MELTF: variants seen among roughly 807,000 people sequenced by gnomAD.
The protein encoded by MELTF is melanotransferrin.
Under a neutral mutation model 83.7 loss-of-function variants are expected in MELTF, and 67 were observed. That is an observed-to-expected ratio of 0.80 (90% confidence interval 0.66 to 0.98). MELTF has a LOEUF of 0.98. Ranked by LOEUF, MELTF falls within the 50% of genes least tolerant of loss-of-function variation. The probability of loss-of-function intolerance (pLI) is 0.00; values close to 1 mark genes in which losing one functional copy is unlikely to be tolerated. For synonymous variants in MELTF, 462 were observed against 447.6 expected (o/e 1.03, Z -0.41); for missense variants, 1,002 against 1,035.6 (o/e 0.97, Z 0.44).
Position 197,007,646 on chromosome 3 carries a change from G to A in MELTF, c.1751-910C>T, listed in dbSNP as rs566290478. ...TGGGGGAGGGTTTCAGGTGTTCTTG[G>A]TAGGAGGCTGGGTGGGGGAGCTGGG... On this transcript the variant is annotated intron_variant, in intron 13 of 15. Transcript: ENST00000296350. This position sits in a 1 kb window ranked among gnomAD's most constrained non-coding sequence, Gnocchi z 4.3. 6.6e-6 allele frequency among the ~76,000 whole-genome samples: 1 copy of A among 152,308 alleles called. No homozygotes were observed. Among genetic ancestry groups the A allele is most frequent in the East Asian group, 1.9e-4 (1 of 5,174 alleles).
In MELTF at chr3:197,002,132, G is replaced by A. The variant is rs1195070380; in HGVS notation, c.*1240C>T. 3.3e-5 allele frequency: 5 copies of A among 152,038 alleles called. No individual in the cohort carries two copies. The highest frequency in any genetic ancestry group is 7.3e-5 in the Non-Finnish European group (5 of 68,058). 9.4% of individuals were successfully genotyped at this position (152,038 alleles called of 1,614,324 possible). A position where few individuals can be genotyped will look rare whatever the true frequency, so the allele number is the denominator to read the frequency against. ...ATGGCTACAGCCGGGGCGCTGCCAG[G>A]GCCTCCTCTGCGGCTGAGAGATGGA... is the stretch of plus-strand genomic sequence containing the variant. On this transcript the variant is annotated 3_prime_UTR_variant, in exon 16 of 16. Transcript: ENST00000296350.
At chr3:197,012,441 C>T (rs1258045194) in intron 9 of MELTF, among the ~76,000 whole-genome samples, 2 of 152,264 alleles carry the variant, frequency 1.3e-5, no homozygotes, top group African/African-American at 4.8e-5. Context: ...TCAGCTTGCG[C>T]GATGGTCATC....
At chr3:197,016,149 C>G in intron 8 of MELTF, 40 bp downstream of exon 8, 1 of 1,460,458 alleles carries the variant, frequency 6.8e-7, no homozygotes, top group East Asian at 2.5e-5. Context: ...CGAGGTTGAG[C>G]TGGGCTGGAG....
intron 3 of MELTF, among the ~76,000 whole-genome samples, chr3:197,025,005 G>A (rs1719795336): frequency 6.6e-6 from 1 of 152,228 alleles, no homozygotes; most frequent in Non-Finnish European, 1.5e-5. Context: ...GACAGAGGCA[G>A]AGACAGAGAG....
chr3:197,014,681 C>T lies in MELTF; in HGVS notation c.1233+684G>A, dbSNP rs141067781. 6.1e-3 allele frequency among the ~76,000 whole-genome samples: 925 copies of T among 152,228 alleles called. 9 individuals are homozygous for T. Among genetic ancestry groups the T allele is most frequent in the African/African-American group, 0.021 (863 of 41,506 alleles). On this transcript the variant is annotated intron_variant, in intron 9 of 15. Transcript: ENST00000296350. ...CTGGGATTATAGGTGTGAGCCAATG[C>T]ACCCAGCCAGGAGAGATAGGAGGAA... is the stretch of plus-strand genomic sequence containing the variant.
At position 197,009,810 on chromosome 3, in the gene MELTF, C is replaced by T; in HGVS notation, c.1333G>A (p.Glu445Lys). The stretch of plus-strand genomic sequence containing the variant: ...ACGTAGTACGAGTTGCTGCTGTCTT[C>T]CGCTGGGGAGAGAGGGACTCACGTG... ...VPAAGEHYAP[E>K]DSSNSYYVVA... The change falls in exon 11 of 16, where the codon GAA (glutamate) becomes AAA (lysine). Residue 445 changes from glutamate to lysine, a missense_variant and splice_region_variant. Physicochemically the swap from Glu to Lys is moderately conservative, Grantham distance 56 (BLOSUM62 1). Coordinates refer to ENST00000296350, the MANE Select transcript of MELTF (RefSeq NM_005929.6). The T allele has an allele frequency of 6.2e-7, 1 of 1,608,550 alleles. No homozygotes were observed. The highest frequency in any genetic ancestry group is 8.5e-7 in the Non-Finnish European group (1 of 1,176,124).
intron 6 of MELTF, among the ~76,000 whole-genome samples, chr3:197,021,076 G>A (rs1719605183): frequency 6.6e-6 from 1 of 152,220 alleles, no homozygotes; most frequent in Admixed American, 6.5e-5. Flanking sequence ...GCAGGGGTTT[G>A]CAAATTGCTT....
chr3:197,025,646 G>A (rs1719822746), intron 3 of MELTF: 1 of 152,514 alleles, frequency 6.6e-6, no homozygotes, highest in South Asian at 2.1e-4. Flanking sequence ...CTCAGTAGAG[G>A]TGTCGAGTTA....
At position 197,008,795 on chromosome 3, in the gene MELTF, G is replaced by C; in HGVS notation, c.1682+14C>G. On this transcript the variant is annotated intron_variant, in intron 12 of 15. Transcript: ENST00000296350. This position sits in a 1 kb window ranked among gnomAD's most constrained non-coding sequence, Gnocchi z 5.4. ...CTCTGCACACAGCCCCAGACTGCCA[G>C]GCCACCCGGGTACCTGAAGGCGCCG... 6.2e-7 allele frequency: 1 copy of C among 1,614,030 alleles called. No individual in the cohort carries two copies. The highest frequency in any genetic ancestry group is 8.5e-7 in the Non-Finnish European group (1 of 1,179,980).
In MELTF at chr3:197,003,068, C is replaced by T. The variant is rs28663179; in HGVS notation, c.*304G>A. 0.43 allele frequency: 64,589 copies of T among 150,320 alleles called. 15,024 individuals carry two copies. The highest frequency in any genetic ancestry group is 0.75 in the East Asian group (3,787 of 5,082). 9.3% of individuals were successfully genotyped at this position (150,320 alleles called of 1,614,324 possible). A position where few individuals can be genotyped will look rare whatever the true frequency, so the allele number is the denominator to read the frequency against. ...GGCGGGCGGGCCCCTCGGGCGACAC[C>T]GCGGGGCGGGCGGCGGGAAGCCCGG... is the stretch of plus-strand genomic sequence containing the variant. On this transcript the variant is annotated 3_prime_UTR_variant, in exon 16 of 16. Coordinates refer to ENST00000296350, the MANE Select transcript of MELTF (RefSeq NM_005929.6). This position sits in a 1 kb window ranked among gnomAD's most constrained non-coding sequence, Gnocchi z 6.2.
intron 4 of MELTF, 121 bp from the exon 5 acceptor site, chr3:197,023,234 C>T: frequency 2.0e-6 from 2 of 1,020,010 alleles, no homozygotes; most frequent in Non-Finnish European, 2.9e-6. Context: ...TTCCACCTTC[C>T]AGCTTCAGTC....
At position 197,008,748 on chromosome 3, in the gene MELTF, G is replaced by A. The variant is rs1719066586; in HGVS notation, c.1683-24C>T. On this transcript the variant is annotated intron_variant, in intron 12 of 15. Coordinates refer to ENST00000296350, the MANE Select transcript of MELTF (RefSeq NM_005929.6). The surrounding 1 kb of genome is among the most constrained non-coding windows in gnomAD (Gnocchi z 5.4). ...ACCTGCCACACAGAGGGCAGGGCAG[G>A]CGTCGGCAGGAGGGTCCCAGCCTCT... 6.2e-7 allele frequency: 1 copy of A among 1,613,952 alleles called. No individual in the cohort carries two copies. The highest frequency in any genetic ancestry group is 8.5e-7 in the Non-Finnish European group (1 of 1,179,930).
rs1577953287 is a variant in MELTF at position 197,029,786 on chromosome 3, C to G, written c.-84G>C. 6 of 969,338 alleles carry G rather than the reference C, an allele frequency of 6.2e-6. No homozygotes were observed. The highest frequency in any genetic ancestry group is 1.7e-5 in the African/African-American group (1 of 59,236). The allele number at this position is 969,338 out of a possible 1,614,324, so 60.0% of individuals were successfully genotyped here. On this transcript the variant is annotated 5_prime_UTR_variant, in exon 1 of 16. Transcript: ENST00000296350. This position sits in a 1 kb window ranked among gnomAD's most constrained non-coding sequence, Gnocchi z 6.5. ...GCAGCAGCCGGGCTTCCTCCCTGCTCCCCCTCGCGCTGGCCCGAGCTCCTT... is the reference window on the plus strand; with the variant it reads ...GCAGCAGCCGGGCTTCCTCCCTGCTGCCCCTCGCGCTGGCCCGAGCTCCTT...
chr3:197,015,561 A>G (rs1235680960), intron 8 of MELTF, 45 bp from the exon 9 acceptor site: 5 of 1,567,934 alleles, frequency 3.2e-6, no homozygotes, highest in Admixed American at 3.5e-5. Flanking sequence ...CAGTACTGCC[A>G]TGGAAGAGCA....
Position 197,003,864 on chromosome 3 carries a change from T to C in MELTF, c.2137+37A>G. ...GGGTTCTGGGGTGAAGGGGTCTGAA[T>C]AGCACCAGGGGAGGCGGCAGGGCGG... On this transcript the variant is annotated intron_variant, in intron 15 of 15. Transcript: ENST00000296350. This position sits in a 1 kb window ranked among gnomAD's most constrained non-coding sequence, Gnocchi z 6.2. The C allele has an allele frequency of 1.2e-6, 2 of 1,603,782 alleles. No individual in the cohort carries two copies. Among genetic ancestry groups the C allele is most frequent in the South Asian group, 2.2e-5 (2 of 90,568 alleles).
chr3:197,023,846 C>T (rs1047673192), intron 4 of MELTF: 13 of 457,462 alleles, frequency 2.8e-5, no homozygotes, highest in East Asian at 1.4e-4. Context: ...CGGGTTTACA[C>T]GGCTGGTTGG....
rs767151304 is a variant in MELTF, at chr3:197,017,307, C to G, written c.713-17G>C. ...GCGTCTTCCCTGGGAAGCAGGAAGC[C>G]TGGGCTGAGCCAGCTCCGAAAGGGG... On this transcript the variant is annotated splice_polypyrimidine_tract_variant and intron_variant, in intron 6 of 15. Transcript: ENST00000296350. 1.3e-6 allele frequency: 2 copies of G among 1,512,770 alleles called. No individual in the cohort carries two copies. The highest frequency in any genetic ancestry group is 2.6e-5 in the South Asian group (2 of 77,204). The allele number at this position is 1,512,770 out of a possible 1,614,324, so 93.7% of individuals were successfully genotyped here. A position where few individuals can be genotyped will look rare whatever the true frequency, so the allele number is the denominator to read the frequency against.
rs778799909 is a variant in MELTF at position 197,024,454 on chromosome 3, C to T, written c.336G>A (p.Val112=). ...TGGTCACATGGGAGCTCCTCCTGAC[C>T]ACAGCCACGGCGTAATAGGAGGTAC... The part of the protein sequence containing the change: ...EVGTSYYAVA[V]VRRSSHVTID... The change falls in exon 4 of 16, where the codon GTG becomes GTA. Residue 112 remains valine (V), a synonymous_variant. Coordinates refer to ENST00000296350, the MANE Select transcript of MELTF (RefSeq NM_005929.6). This position sits in a 1 kb window ranked among gnomAD's most constrained non-coding sequence, Gnocchi z 5.3. 3 of 1,602,900 alleles carry T rather than the reference C, an allele frequency of 1.9e-6. No homozygotes were observed. The highest frequency in any genetic ancestry group is 4.5e-5 in the East Asian group (2 of 44,568).
chr3:197,008,998 C>T lies in MELTF; in HGVS notation c.1526-33G>A. On this transcript the variant is annotated intron_variant, in intron 11 of 15. Transcript: ENST00000296350. This position sits in a 1 kb window ranked among gnomAD's most constrained non-coding sequence, Gnocchi z 5.4. ...GGAGGGAAGGGCAATGATGAGGGGC[C>T]AGCAGTGGAAAGTGTGGGAGGGAGC... is the stretch of plus-strand genomic sequence containing the variant. The T allele has an allele frequency of 6.2e-7, 1 of 1,611,776 alleles. No homozygotes were observed. Among genetic ancestry groups the T allele is most frequent in the Non-Finnish European group, 8.5e-7 (1 of 1,178,786 alleles).
Sources: gnomAD v4.1 joint callset for allele counts (sites outside exome capture counted in the v4.1 genomes callset) on GRCh38, gnomAD v4.1.1 for gene constraint, Gnocchi (gnomAD v3.1) non-coding constraint, MANE v1.5 for transcripts, NCBI Gene and HGNC (gene_info 2026-07-23, HGNC 2026-07-21) for gene names.